USP40: variants seen among roughly 807,000 people sequenced by gnomAD.
USP40 encodes the protein ubiquitin specific peptidase 40.
USP40 carries 143 observed loss-of-function variants against 166.2 expected under a neutral mutation model. That is an observed-to-expected ratio of 0.86 (90% CI 0.75 to 0.99). The LOEUF is 0.99. Ranked by LOEUF, USP40 falls within the 50% of genes least tolerant of loss-of-function variation. The probability of loss-of-function intolerance (pLI) is 0.00; values close to 1 mark genes in which losing one functional copy is unlikely to be tolerated. For synonymous variants in USP40, 498 were observed against 524.0 expected, an observed-to-expected ratio of 0.95 and a Z score of 0.68; for missense variants, 1,444 against 1,479.7, an observed-to-expected ratio of 0.98 and a Z score of 0.40.
chr2:233,500,412 A>G (rs1275335709), intron 21 of USP40, among the ~76,000 whole-genome samples: 3 of 152,234 alleles, frequency 2.0e-5, no homozygotes, highest in African/African-American at 7.2e-5. Flanking sequence ...TCATGGCATA[A>G]TGCAAAAATG....
At chr2:233,509,909 G>T in intron 21 of USP40, 140 bp downstream of exon 21, 1 of 545,270 alleles carries the variant, frequency 1.8e-6, no homozygotes, top group Non-Finnish European at 3.2e-6. Context: ...AATTCCTCTA[G>T]TGAGTACATA....
Position 233,542,329 on chromosome 2 carries a change from T to G in USP40, c.1001A>C (p.Asp334Ala). 1 of 1,559,132 alleles carries G rather than the reference T, an allele frequency of 6.4e-7. No individual in the cohort carries two copies. The highest frequency in any genetic ancestry group is 8.7e-7 in the Non-Finnish European group (1 of 1,152,084). The change falls in exon 9 of 32, where the codon GAT becomes GCT. Residue 334 changes from aspartate to alanine, a missense_variant. By Grantham distance (126) the Asp-to-Ala change is moderately radical (BLOSUM62 -2). Transcript: ENST00000678225. ...EKSKPDVNLK[D>A]LQSEEEIDHP... Reference sequence around the variant, plus strand: ...ATCAATCTCTTCTTCACTCTGGAGATCTTTCAGATTCACATCTGGTTTACT... The same window carrying G: ...ATCAATCTCTTCTTCACTCTGGAGAGCTTTCAGATTCACATCTGGTTTACT...
intron 16 of USP40, among the ~76,000 whole-genome samples, chr2:233,521,482 T>C (rs1035381765): frequency 6.6e-6 from 1 of 152,196 alleles, no homozygotes; most frequent in African/African-American, 2.4e-5. Flanking sequence ...AGGGCAGCCA[T>C]GTGCAGTCTG....
At chr2:233,485,338 G>A (rs1359167089) in intron 30 of USP40, among the ~76,000 whole-genome samples, 193 bp downstream of exon 30, 1 of 152,136 alleles carries the variant, frequency 6.6e-6, no homozygotes, top group Non-Finnish European at 1.5e-5. Context: ...AGTGTCCTTG[G>A]CAGTTTGGAT....
chr2:233,517,876 C>T (rs1054127924), intron 18 of USP40, among the ~76,000 whole-genome samples: 2 of 150,688 alleles, frequency 1.3e-5, no homozygotes, highest in Admixed American at 6.6e-5. Context: ...TGGCATTTGC[C>T]GTGACCTAGA....
intron 10 of USP40, 101 bp downstream of exon 10, chr2:233,540,561 T>G: frequency 1.5e-6 from 1 of 679,144 alleles, no homozygotes. Flanking sequence ...TGATTTTATT[T>G]TCACCTATTT....
At chr2:233,511,310 C>T (rs1559238862) in intron 20 of USP40, among the ~76,000 whole-genome samples, 1 of 152,154 alleles carries the variant, frequency 6.6e-6, no homozygotes, top group African/African-American at 2.4e-5. Context: ...TAAAATGCTA[C>T]TGAGTGTTAG....
In USP40 at chr2:233,480,801, GAGA is replaced by G. The variant is rs1163603751; in HGVS notation, c.3599+399_3599+401del. Among the ~76,000 whole-genome samples, 7 of 152,222 alleles carry G rather than the reference GAGA, an allele frequency of 4.6e-5. No homozygotes were observed. Among genetic ancestry groups the G allele is most frequent in the African/African-American group, 9.6e-5 (4 of 41,452 alleles). The stretch of plus-strand genomic sequence containing the variant: ...CTCTCGGGAACCTTGGAGAGAGCGG[GAGA>G]AGGACAGGGAGCCCGCAGCAGGGCT... On this transcript the variant is annotated intron_variant, in intron 31 of 31. Transcript: ENST00000678225. The surrounding 1 kb of genome is among the most constrained non-coding windows in gnomAD (Gnocchi z 4.5).
At chr2:233,510,977 A>T (rs2066792136) in intron 20 of USP40, among the ~76,000 whole-genome samples, 1 of 148,200 alleles carries the variant, frequency 6.7e-6, no homozygotes, top group Non-Finnish European at 1.5e-5. Flanking sequence ...CTTGTCATGC[A>T]CTACTATTTG....
intron 26 of USP40, 30 bp from the exon 27 acceptor site, chr2:233,489,513 G>A (rs1479483493): frequency 4.6e-6 from 7 of 1,536,412 alleles, no homozygotes; most frequent in Non-Finnish European, 6.2e-6. Context: ...TTTCTCCAAC[G>A]GTTTTAAAAA....
chr2:233,477,243 C>G lies in USP40; in HGVS notation c.*149G>C. The G allele has an allele frequency of 1.3e-6, 1 of 744,104 alleles. No homozygotes were observed. Among genetic ancestry groups the G allele is most frequent in the African/African-American group, 1.7e-5 (1 of 57,886 alleles). 46.1% of individuals were successfully genotyped at this position (744,104 alleles called of 1,614,324 possible). On this transcript the variant is annotated 3_prime_UTR_variant, in exon 32 of 32. Coordinates refer to ENST00000678225, the MANE Select transcript of USP40 (RefSeq NM_001365479.2). The stretch of plus-strand genomic sequence containing the variant: ...AGAGCTAAGTGACTACATGCACTGG[C>G]CAGGCCTCAGAGGAGCCGTCCCTGT...
chr2:233,540,732 T>C lies in USP40; in HGVS notation c.1100A>G (p.Gln367Arg). The change falls in exon 10 of 32, where the codon CAG becomes CGG. Residue 367 changes from glutamine to arginine, a missense_variant. Gln to Arg is a conservative substitution (Grantham distance 43). Coordinates refer to ENST00000678225, the MANE Select transcript of USP40 (RefSeq NM_001365479.2). ...TATTCCTATCTTTTTCAAAAGTTTC[T>C]GGCCCAGCTGATCAACAGGAATTAG... The part of the protein sequence containing the change: ...NNLIPVDQLG[Q>R]KLLKKIGISW... The C allele has an allele frequency of 6.2e-7, 1 of 1,613,608 alleles. No homozygotes were observed. Among genetic ancestry groups the C allele is most frequent in the Non-Finnish European group, 8.5e-7 (1 of 1,179,662 alleles).
At position 233,483,415 on chromosome 2, in the gene USP40, C is replaced by T. The variant is rs1052617477; in HGVS notation, c.3504+2116G>A. ...CTAACGTGGGAGGATCGCTTGAGCC[C>T]GTGAGGCAGAGGTTACAGTGAGTGG... On this transcript the variant is annotated intron_variant, in intron 30 of 31. Transcript: ENST00000678225. Among the ~76,000 whole-genome samples the T allele has an allele frequency of 9.2e-5, 14 of 152,126 alleles. No homozygotes were observed. The East Asian group carries it at 1.2e-3, about 13-fold the overall frequency.
intron 31 of USP40, among the ~76,000 whole-genome samples, chr2:233,479,763 G>A (rs540375047): frequency 3.3e-5 from 5 of 152,022 alleles, no homozygotes; most frequent in Non-Finnish European, 5.9e-5. Flanking sequence ...GCAGAGCTGC[G>A]AATGGGGGTG....
At chr2:233,477,815 G>T (rs1055766278) in intron 31 of USP40, among the ~76,000 whole-genome samples, 1 of 152,234 alleles carries the variant, frequency 6.6e-6, no homozygotes, top group Non-Finnish European at 1.5e-5. Flanking sequence ...TTAAACGGAA[G>T]AATAACATCC....
chr2:233,499,788 A>ATT, intron 22 of USP40, 91 bp downstream of exon 22: 2 of 1,070,808 alleles, frequency 1.9e-6, no homozygotes, highest in Admixed American at 2.5e-5. Context: ...CACCCTATAA[A>ATT]TTTTTTTTTC....
chr2:233,538,405 T>C (rs1396068934), intron 10 of USP40, among the ~76,000 whole-genome samples: 1 of 152,044 alleles, frequency 6.6e-6, no homozygotes, highest in Non-Finnish European at 1.5e-5. Context: ...GTCGTTTTCT[T>C]GAAAAGTTTA....
At chr2:233,487,494 T>C (rs1017093056) in intron 28 of USP40, among the ~76,000 whole-genome samples, 2 of 152,244 alleles carry the variant, frequency 1.3e-5, no homozygotes, top group African/African-American at 4.8e-5. Flanking sequence ...GTATTAAGAA[T>C]GTGTTTTTAT....
At chr2:233,494,118 A>C (rs1306037928) in intron 24 of USP40, among the ~76,000 whole-genome samples, 1 of 152,278 alleles carries the variant, frequency 6.6e-6, no homozygotes, top group African/African-American at 2.4e-5. Flanking sequence ...CAACAATAGA[A>C]GATGAGAATA....
Sources: allele counts gnomAD v4.1 joint callset (sites outside exome capture counted in the v4.1 genomes callset), GRCh38; gene constraint gnomAD v4.1.1; non-coding constraint Gnocchi (gnomAD v3.1); transcripts MANE v1.5; gene names NCBI Gene and HGNC (gene_info 2026-07-23, HGNC 2026-07-21).